The following SLFN13 variants were observed in gnomAD, a reference collection of about 807,000 sequenced individuals.
SLFN13 encodes schlafen-13.
A neutral mutation model predicts 50.6 loss-of-function variants in SLFN13; 43 were observed. The ratio of observed to expected loss-of-function variants is 0.85; its 90% confidence interval spans 0.67 to 1.09. SLFN13 has a LOEUF of 1.09. Ranked by LOEUF, SLFN13 falls within the 50% of genes least tolerant of loss-of-function variation. The probability of loss-of-function intolerance (pLI) is 0.00; values close to 1 mark genes in which losing one functional copy is unlikely to be tolerated. For missense variants in SLFN13, 881 were observed against 1,071.1 expected (o/e 0.82, Z 2.48); for synonymous variants, 339 against 386.5 (o/e 0.88, Z 1.44).
intron 4 of SLFN13, among the ~76,000 whole-genome samples, chr17:35,443,370 T>C (rs931721351): frequency 6.6e-6 from 1 of 152,230 alleles, no homozygotes; most frequent in African/African-American, 2.4e-5. Flanking sequence ...TTTACAGACA[T>C]AATTCCTCCA....
At position 35,446,201 on chromosome 17, in the gene SLFN13, A is replaced by C. The variant is rs190362070; in HGVS notation, c.-13-508T>G. ...GAAAAGTCTGAGTATGAAAAATCAA[A>C]GAAGTAAGAGAAAAATCAAGGGTAT... is the stretch of plus-strand genomic sequence containing the variant. On this transcript the variant is annotated intron_variant, in intron 2 of 5. Transcript: ENST00000285013. 6.4e-3 allele frequency among the ~76,000 whole-genome samples: 978 copies of C among 152,354 alleles called. 13 individuals carry two copies. Among genetic ancestry groups the C allele is most frequent in the African/African-American group, 0.022 (918 of 41,572 alleles).
Position 35,440,943 on chromosome 17 carries a change from G to C in SLFN13, c.2346C>G (p.Asn782Lys). Residue 782 changes from asparagine (N) to lysine (K), a missense_variant, in exon 6 of 6, where the codon AAC becomes AAG. This residue lies in a region of SLFN13 where 322 missense variants were observed against 327.4 expected (regional missense o/e 0.98). Coordinates refer to ENST00000285013, the MANE Select transcript of SLFN13 (RefSeq NM_144682.6). ...AGGTCACTATTTGCTCCAAAGTAAA[G>C]TTTTTAATAATCTTTGTGTTGCCTG... ...GVPGNTKIIK[N>K]FTLEQIVTYV... 2 of 1,613,688 alleles carry C rather than the reference G, an allele frequency of 1.2e-6. No individual in the cohort carries two copies. The highest frequency in any genetic ancestry group is 2.2e-5 in the South Asian group (2 of 91,068).
At position 35,448,069 on chromosome 17, in the gene SLFN13, GCGATAGGGTCTCCCTA is replaced by G. The variant is rs758704237; in HGVS notation, c.-161+637_-161+652del. Among the ~76,000 whole-genome samples the G allele has an allele frequency of 1.2e-3, 138 of 114,608 alleles. 1 individual carries two copies. Among genetic ancestry groups the G allele is most frequent in the Non-Finnish European group, 1.6e-3 (81 of 51,900 alleles). 75.2% of individuals were successfully genotyped at this position (114,608 alleles called of 152,430 possible). On this transcript the variant is annotated intron_variant, in intron 1 of 5. Coordinates refer to ENST00000285013, the MANE Select transcript of SLFN13 (RefSeq NM_144682.6). ...ATTATTATTATTATTATTATTCATA[GCGATAGGGTCTCCCTA>G]CATTGCCCAGGCTGGTCTCGAAATC...
At position 35,444,608 on chromosome 17, in the gene SLFN13, C is replaced by T. The variant is rs551393418; in HGVS notation, c.1066+7G>A. Reference sequence around the variant, plus strand: ...GGTCAGGAAGGGAGAATCTGGTTCCCTCTTACCTGGATCTGCGTCCATCAT... The same window carrying T: ...GGTCAGGAAGGGAGAATCTGGTTCCTTCTTACCTGGATCTGCGTCCATCAT... On this transcript the variant is annotated splice_region_variant and intron_variant, in intron 3 of 5. Transcript: ENST00000285013. The T allele has an allele frequency of 1.9e-6, 3 of 1,611,834 alleles. No individual in the cohort carries two copies. In the South Asian group the frequency reaches 3.3e-5, roughly 18 times the overall value.
chr17:35,442,735 G>A (rs914917228), intron 4 of SLFN13, among the ~76,000 whole-genome samples: 7 of 152,134 alleles, frequency 4.6e-5, no homozygotes, highest in South Asian at 2.1e-4. Flanking sequence ...GAGCCACCAC[G>A]CCTTGCCTGG....
chr17:35,445,759 A>G, intron 2 of SLFN13, 66 bp from the exon 3 acceptor site: 1 of 1,238,288 alleles, frequency 8.1e-7, no homozygotes, highest in Non-Finnish European at 1.1e-6. Context: ...CAATTCATTT[A>G]TTAGAAAATA....
At position 35,440,421 on chromosome 17, in the gene SLFN13, G is replaced by A. The variant is rs1221567818; in HGVS notation, c.*174C>T. 15 of 738,590 alleles carry A rather than the reference G, an allele frequency of 2.0e-5. No homozygotes were observed. Among genetic ancestry groups the A allele is most frequent in the Non-Finnish European group, 2.8e-5 (13 of 458,872 alleles). The allele number at this position is 738,590 out of a possible 1,614,324, so 45.8% of individuals were successfully genotyped here. Reference sequence around the variant, plus strand: ...CCACCACTGCTGAAAAGAGTTGGGGGAGGAACCCCTGAAAGGAGAGCCAGA... The same window carrying A: ...CCACCACTGCTGAAAAGAGTTGGGGAAGGAACCCCTGAAAGGAGAGCCAGA... On this transcript the variant is annotated 3_prime_UTR_variant, in exon 6 of 6. Transcript: ENST00000285013.
rs1269034906 is a variant in SLFN13, at chr17:35,437,872, G to A, written c.*2723C>T. 6.6e-6 allele frequency: 1 copy of A among 152,118 alleles called. No individual in the cohort carries two copies. The highest frequency in any genetic ancestry group is 2.4e-5 in the African/African-American group (1 of 41,446). The allele number at this position is 152,118 out of a possible 1,614,324, so 9.4% of individuals were successfully genotyped here. A position where few individuals can be genotyped will look rare whatever the true frequency, so the allele number is the denominator to read the frequency against. On this transcript the variant is annotated 3_prime_UTR_variant, in exon 6 of 6. Transcript: ENST00000285013. ...ATTTTGTTTCATTTTACAATGGCTG[G>A]ATAGATTTTCAGATCTTTAATGAAG...
chr17:35,445,848 T>G, intron 2 of SLFN13, 155 bp from the exon 3 acceptor site: 1 of 633,396 alleles, frequency 1.6e-6, no homozygotes, highest in Non-Finnish European at 2.6e-6. Context: ...GCTGACTGGC[T>G]GGCAGGGAAG....
chr17:35,443,785 G>A lies in SLFN13; in HGVS notation c.1198+4C>T. The A allele has an allele frequency of 6.2e-7, 1 of 1,607,116 alleles. No individual in the cohort carries two copies. Among genetic ancestry groups the A allele is most frequent in the African/African-American group, 1.3e-5 (1 of 74,892 alleles). Reference sequence around the variant, plus strand: ...CTCCTGATGTAAAAACTGGCAGTCAGTACCTGGAAATAAATGTTGTTGTAG... The same window carrying A: ...CTCCTGATGTAAAAACTGGCAGTCAATACCTGGAAATAAATGTTGTTGTAG... On this transcript the variant is annotated splice_donor_region_variant and intron_variant, in intron 4 of 5. Coordinates refer to ENST00000285013, the MANE Select transcript of SLFN13 (RefSeq NM_144682.6).
Position 35,444,643 on chromosome 17 carries a change from C to A in SLFN13, c.1038G>T (p.Trp346Cys). The A allele has an allele frequency of 1.9e-6, 3 of 1,614,086 alleles. No individual in the cohort carries two copies. Among genetic ancestry groups the A allele is most frequent in the Non-Finnish European group, 2.5e-6 (3 of 1,179,972 alleles). Residue 346 changes from tryptophan to cysteine, a missense_variant, in exon 3 of 6, where the codon TGG becomes TGT. By Grantham distance (215) the Trp-to-Cys change is radical (BLOSUM62 -2). Around this residue, in one of 5 missense-constraint regions of SLFN13, gnomAD observed 497 missense variants for 518.3 expected, o/e 0.96. Coordinates refer to ENST00000285013, the MANE Select transcript of SLFN13 (RefSeq NM_144682.6). ...KYIRPLTTEEWVEKMMDADPE... is the reference protein window; with the variant it reads ...KYIRPLTTEECVEKMMDADPE... ...GATCTGCGTCCATCATTTTCTCTAC[C>A]CATTCCTCAGTTGTCAAGGGGCGGA...
In SLFN13 at chr17:35,438,039, G is replaced by A. The variant is rs1718143321; in HGVS notation, c.*2556C>T. 6.6e-6 allele frequency: 1 copy of A among 151,190 alleles called. No individual in the cohort carries two copies. The highest frequency in any genetic ancestry group is 1.5e-5 in the Non-Finnish European group (1 of 67,942). 9.4% of individuals were successfully genotyped at this position (151,190 alleles called of 1,614,324 possible). On this transcript the variant is annotated 3_prime_UTR_variant, in exon 6 of 6. Transcript: ENST00000285013. ...AGGATCACTTGAGCCCAGGAGTTCA[G>A]GGCTCTAGTGAACTATGATCACACC...
chr17:35,443,041 G>A (rs1913005693), intron 4 of SLFN13, among the ~76,000 whole-genome samples: 1 of 152,254 alleles, frequency 6.6e-6, no homozygotes, highest in African/African-American at 2.4e-5. Context: ...TAAATGTTTG[G>A]ACATACGTAG....
At position 35,441,230 on chromosome 17, in the gene SLFN13, T is replaced by C; in HGVS notation, c.2059A>G (p.Ile687Val). Reference sequence around the variant, plus strand: ...GGACAATCCTTTTCTCTCTGAGTGATGGTTTTTGCCTTCCTATACCAGTCC... The same window carrying C: ...GGACAATCCTTTTCTCTCTGAGTGACGGTTTTTGCCTTCCTATACCAGTCC... ...DGDWYRKAKT[I>V]TQREKDCPGV... The change falls in exon 6 of 6, where the codon ATC becomes GTC. Residue 687 changes from isoleucine (I) to valine (V), a missense_variant. Physicochemically the swap from Ile to Val is conservative, Grantham distance 29 (BLOSUM62 3). This residue lies in a region of SLFN13 where 322 missense variants were observed against 327.4 expected (regional missense o/e 0.98). Transcript: ENST00000285013. 1 of 1,614,110 alleles carries C rather than the reference T, an allele frequency of 6.2e-7. No homozygotes were observed. Among genetic ancestry groups the C allele is most frequent in the South Asian group, 1.1e-5 (1 of 91,086 alleles).
chr17:35,447,448 A>G (rs1157274093), intron 1 of SLFN13, 34 bp from the exon 2 acceptor site: 1 of 152,220 alleles, frequency 6.6e-6, no homozygotes, highest in Non-Finnish European at 1.5e-5. Flanking sequence ...GAGGCAGTAG[A>G]GTTCAGGGGT....
At position 35,441,565 on chromosome 17, in the gene SLFN13, G is replaced by A; in HGVS notation, c.1920C>T (p.Ile640=). 6.2e-7 allele frequency: 1 copy of A among 1,608,470 alleles called. No individual in the cohort carries two copies. Residue 640 remains isoleucine (I), a splice_region_variant and synonymous_variant, in exon 5 of 6, where the codon ATC becomes ATT. Coordinates refer to ENST00000285013, the MANE Select transcript of SLFN13 (RefSeq NM_144682.6). Reference sequence around the variant, plus strand: ...AGACGTAAGATCCAACTGCTTACCTGATAAAGTTCCTCAGAGGCTGGTTTT... The same window carrying A: ...AGACGTAAGATCCAACTGCTTACCTAATAAAGTTCCTCAGAGGCTGGTTTT... The part of the protein sequence containing the change: ...VCENQPLRNF[I]SDRNICRAET...
rs1418311159 is a variant in SLFN13, at chr17:35,435,302, G to GAGGGGGTT, written c.*5285_*5292dup. On this transcript the variant is annotated 3_prime_UTR_variant, in exon 6 of 6. Coordinates refer to ENST00000285013, the MANE Select transcript of SLFN13 (RefSeq NM_144682.6). ...GCTATTCTTTATAGTGTTTTGCGGGGAGGGGGTTGGGGGGTTGTTCTGGTT... is the reference window on the plus strand; with the variant it reads ...GCTATTCTTTATAGTGTTTTGCGGGGAGGGGGTTAGGGGGTTGGGGGGTTGTTCTGGTT... 5.7e-4 allele frequency: 86 copies of GAGGGGGTT among 152,026 alleles called. No homozygotes were observed. Among genetic ancestry groups the GAGGGGGTT allele is most frequent in the African/African-American group, 2.0e-3 (82 of 41,484 alleles). The allele number at this position is 152,026 out of a possible 1,614,324, so 9.4% of individuals were successfully genotyped here.
intron 2 of SLFN13, chr17:35,446,772 T>A (rs1000761277): frequency 1.3e-5 from 2 of 151,992 alleles, no homozygotes; most frequent in African/African-American, 4.8e-5. Flanking sequence ...AGAAACATGT[T>A]TAGAGAGAGG....
In SLFN13 at chr17:35,445,405, C is replaced by T. The variant is rs770106553; in HGVS notation, c.276G>A (p.Leu92=). The T allele has an allele frequency of 1.2e-6, 2 of 1,614,154 alleles. No homozygotes were observed. Among genetic ancestry groups the T allele is most frequent in the African/African-American group, 1.3e-5 (1 of 75,036 alleles). ...SLRKLIQYPY[L]QAFFETKQHG... ...GTTGCTTAGTCTCAAAGAAAGCCTGCAAATATGGATACTGAATAAGCTTTC... is the reference window on the plus strand; with the variant it reads ...GTTGCTTAGTCTCAAAGAAAGCCTGTAAATATGGATACTGAATAAGCTTTC... The change falls in exon 3 of 6, where the codon TTG becomes TTA. Residue 92 remains leucine (L), a synonymous_variant. Transcript: ENST00000285013.
Sources: allele counts gnomAD v4.1 joint callset (sites outside exome capture counted in the v4.1 genomes callset), GRCh38; gene constraint gnomAD v4.1.1; regional missense constraint gnomAD v4.1.1; transcripts MANE v1.5; gene names NCBI Gene and HGNC (gene_info 2026-07-23, HGNC 2026-07-21).